Variants in ARHGAP42 observed in about 807,000 individuals in gnomAD.
ARHGAP42 encodes Rho GTPase activating protein 42.
In ARHGAP42, 63 loss-of-function variants were observed where a neutral mutation model predicts 125.0. The ratio of observed to expected loss-of-function variants is 0.50; its 90% CI spans 0.41 to 0.62. The LOEUF is 0.62. Ranked by LOEUF, ARHGAP42 falls within the 20% of genes least tolerant of loss-of-function variation. The pLI, the probability that ARHGAP42 is intolerant of heterozygous loss-of-function variation, is 0.00. For synonymous variants in ARHGAP42, 339 were observed against 351.0 expected (o/e 0.97, Z 0.38); for missense variants, 766 against 1,024.2 (o/e 0.75, Z 3.44).
At chr11:100,726,945 G>A (rs1037642392) in intron 1 of ARHGAP42, among the ~76,000 whole-genome samples, 6 of 152,188 alleles carry the variant, frequency 3.9e-5, no homozygotes, top group Admixed American at 2.6e-4. Flanking sequence ...TGATCCTAGG[G>A]GAAGTCCTGA....
chr11:100,905,404 A>G (rs777194270), intron 4 of ARHGAP42, among the ~76,000 whole-genome samples: 1 of 152,178 alleles, frequency 6.6e-6, no homozygotes, highest in South Asian at 2.1e-4. Flanking sequence ...ACTTCCACCT[A>G]TGGAAAATGA....
At chr11:100,966,465 C>T (rs1487447213) in intron 17 of ARHGAP42, among the ~76,000 whole-genome samples, 2 of 152,040 alleles carry the variant, frequency 1.3e-5, no homozygotes, top group African/African-American at 4.8e-5. Flanking sequence ...AGCTTGAATC[C>T]AAAGGCAATC....
intron 22 of ARHGAP42, among the ~76,000 whole-genome samples, chr11:100,980,559 C>CTTCTATTTTTTTTTTTTTTTT (rs1555037006): frequency 3.8e-5 from 2 of 51,962 alleles, no homozygotes; most frequent in Non-Finnish European, 7.7e-5. Flanking sequence ...TTTTCTTCTT[C>CTTCTATTTTTTTTTTTTTTTT]TTTTTTTTTT....
chr11:100,842,437 A>G (rs182649145), intron 3 of ARHGAP42, among the ~76,000 whole-genome samples: 100 of 152,316 alleles, frequency 6.6e-4, no homozygotes, highest in Non-Finnish European at 3.2e-4. Context: ...GAAAGTCCCA[A>G]TATTGGATTA....
intron 3 of ARHGAP42, among the ~76,000 whole-genome samples, chr11:100,807,434 A>T (rs547924544): frequency 4.6e-5 from 7 of 152,186 alleles, no homozygotes; most frequent in African/African-American, 1.7e-4. Context: ...GACCTCAGGA[A>T]ATCCACCCGC....
At chr11:100,728,803 C>CTGAG in intron 1 of ARHGAP42, among the ~76,000 whole-genome samples, 1 of 148,484 alleles carries the variant, frequency 6.7e-6, no homozygotes, top group East Asian at 2.0e-4. Flanking sequence ...GAGTCTCACT[C>CTGAG]TGTCTCCCAG....
At chr11:100,917,914 T>C (rs1008015339) in intron 5 of ARHGAP42, among the ~76,000 whole-genome samples, 21 of 152,148 alleles carry the variant, frequency 1.4e-4, no homozygotes, top group Non-Finnish European at 2.6e-4. Context: ...GGCTTTTTCC[T>C]TGCTTCTCAC....
chr11:100,829,337 G>A (rs1864605817), intron 3 of ARHGAP42, among the ~76,000 whole-genome samples: 1 of 151,436 alleles, frequency 6.6e-6, no homozygotes, highest in Non-Finnish European at 1.5e-5. Flanking sequence ...TCCAGCCTGG[G>A]TGAGAGAGCA....
chr11:100,961,775 A>G lies in ARHGAP42; in HGVS notation c.1385+7A>G. 1.3e-6 allele frequency: 2 copies of G among 1,549,670 alleles called. No individual in the cohort carries two copies. Among genetic ancestry groups the G allele is most frequent in the Non-Finnish European group, 1.7e-6 (2 of 1,145,088 alleles). On this transcript the variant is annotated splice_region_variant and intron_variant, in intron 15 of 23. Coordinates refer to ENST00000298815, the MANE Select transcript of ARHGAP42 (RefSeq NM_152432.4). ...GGCTGAAAAACTACCTCAGGTGAGG[A>G]GGGTTTAACTCCTGGTACTCTGGAT...
intron 3 of ARHGAP42, among the ~76,000 whole-genome samples, chr11:100,814,361 CA>C (rs11351569): frequency 0.64 from 70,638 of 109,628 alleles, 19,780 homozygotes; most frequent in Middle Eastern, 0.72. Flanking sequence ...GACTCCGTCT[CA>C]AAAAAAAAAA....
chr11:100,963,366 A>G (rs909613967), intron 16 of ARHGAP42, among the ~76,000 whole-genome samples: 1 of 152,232 alleles, frequency 6.6e-6, no homozygotes, highest in Non-Finnish European at 1.5e-5. Context: ...TTTGTAAACC[A>G]TTGAGACTGA....
intron 2 of ARHGAP42, among the ~76,000 whole-genome samples, chr11:100,772,634 C>T (rs539442109): frequency 6.6e-6 from 1 of 152,302 alleles, no homozygotes; most frequent in Admixed American, 6.5e-5. Context: ...AGGGATCATG[C>T]ACTGCCAACA....
intron 4 of ARHGAP42, among the ~76,000 whole-genome samples, chr11:100,906,097 A>G (rs957107413): frequency 1.3e-5 from 2 of 152,200 alleles, no homozygotes; most frequent in Non-Finnish European, 2.9e-5. Context: ...CTGGAAGATC[A>G]TATTACCATG....
intron 1 of ARHGAP42, among the ~76,000 whole-genome samples, chr11:100,708,547 C>T (rs1292016212): frequency 1.3e-5 from 2 of 151,842 alleles, no homozygotes; most frequent in African/African-American, 4.8e-5. Context: ...AACAAAAAAT[C>T]CCCCAAGAAA....
chr11:100,816,419 A>G (rs1864268073), intron 3 of ARHGAP42, among the ~76,000 whole-genome samples: 1 of 152,116 alleles, frequency 6.6e-6, no homozygotes, highest in Middle Eastern at 3.2e-3. Context: ...TGTGCTCTAT[A>G]TCCATGAATT....
At chr11:100,847,136 A>G (rs974988041) in intron 3 of ARHGAP42, among the ~76,000 whole-genome samples, 5 of 152,176 alleles carry the variant, frequency 3.3e-5, no homozygotes, top group African/African-American at 9.7e-5. Flanking sequence ...TCCCACTAAC[A>G]ACCTCCACCT....
intron 7 of ARHGAP42, among the ~76,000 whole-genome samples, chr11:100,934,637 G>T (rs893692805): frequency 3.3e-5 from 5 of 152,138 alleles, no homozygotes; most frequent in Admixed American, 3.3e-4. Flanking sequence ...TGTCTTAATT[G>T]TTGAGGTTTT....
chr11:100,740,582 G>C (rs533131528), intron 1 of ARHGAP42, among the ~76,000 whole-genome samples: 71 of 152,322 alleles, frequency 4.7e-4, no homozygotes, highest in Middle Eastern at 6.8e-3. Flanking sequence ...TATGGTATAG[G>C]GGGAGGAGAA....
At chr11:100,810,465 A>G (rs1169268528) in intron 3 of ARHGAP42, among the ~76,000 whole-genome samples, 1 of 152,184 alleles carries the variant, frequency 6.6e-6, no homozygotes, top group Non-Finnish European at 1.5e-5. Flanking sequence ...TACCTTTTTT[A>G]CATTCCAAAC....
Sources: gnomAD v4.1 joint callset for allele counts (sites outside exome capture counted in the v4.1 genomes callset) on GRCh38, gnomAD v4.1.1 for gene constraint, MANE v1.5 for transcripts, NCBI Gene and HGNC (gene_info 2026-07-23, HGNC 2026-07-21) for gene names.